The following GNAI1 variants were observed in gnomAD, a reference collection of about 807,000 sequenced individuals.
GNAI1 encodes G protein subunit alpha i1.
GNAI1 carries 11 observed loss-of-function variants against 38.9 expected under a neutral mutation model. The ratio of observed to expected loss-of-function variants is 0.28; its 90% confidence interval spans 0.18 to 0.47. The LOEUF (loss-of-function observed/expected upper bound fraction) is 0.47. GNAI1 is among the 20% of genes least tolerant of loss of function. The pLI is 0.99. For synonymous variants in GNAI1, 166 were observed against 145.1 expected (o/e 1.14, Z -1.04); for missense variants, 317 against 436.9 (o/e 0.73, Z 2.45).
intron 1 of GNAI1, among the ~76,000 whole-genome samples, chr7:80,179,389 A>T (rs1182011627): frequency 6.6e-6 from 1 of 152,332 alleles, no homozygotes; most frequent in Admixed American, 6.5e-5. Flanking sequence ...CCAAATCCTC[A>T]GGTCATGCAG....
chr7:80,172,443 G>A lies in GNAI1; in HGVS notation c.119-16508G>A, dbSNP rs930107945. On this transcript the variant is annotated intron_variant, in intron 1 of 7. Coordinates refer to ENST00000649796, the MANE Select transcript of GNAI1 (RefSeq NM_002069.6). ...TCTGTCAAACCAACCTGTCTTAAGG[G>A]AACTTCTAAAAACAAAATAAAAATT... Among the ~76,000 whole-genome samples, 64 of 152,210 alleles carry A rather than the reference G, an allele frequency of 4.2e-4. No homozygotes were observed. The Middle Eastern group carries it at 0.014, about 32-fold the overall frequency.
chr7:80,210,831 C>A, intron 5 of GNAI1, 138 bp from the exon 6 acceptor site: 27 of 421,742 alleles, frequency 6.4e-5, no homozygotes, highest in East Asian at 1.6e-4. Flanking sequence ...ACATTTTTTT[C>A]TCCCATAAAG....
chr7:80,161,298 G>A (rs532747956), intron 1 of GNAI1, among the ~76,000 whole-genome samples: 3 of 152,248 alleles, frequency 2.0e-5, no homozygotes, highest in South Asian at 2.1e-4. Context: ...CTGAGAAATT[G>A]TTGCTGCATA....
chr7:80,139,281 T>C (rs1309136878), intron 1 of GNAI1, among the ~76,000 whole-genome samples: 1 of 152,220 alleles, frequency 6.6e-6, no homozygotes, highest in Non-Finnish European at 1.5e-5. Flanking sequence ...CTCTTGCATC[T>C]TGTCTTTCCC....
rs114466570 is a variant in GNAI1 at position 80,170,414 on chromosome 7, T to C, written c.119-18537T>C. Among the ~76,000 whole-genome samples, 499 of 152,328 alleles carry C rather than the reference T, an allele frequency of 3.3e-3. 1 individual carries two copies. The highest frequency in any genetic ancestry group is 0.011 in the African/African-American group (465 of 41,580). ...TAATGTTATTGATCATCTTTTCATG[T>C]TTATTAACCTCTCTGAAAACTCAAG... On this transcript the variant is annotated intron_variant, in intron 1 of 7. Transcript: ENST00000649796.
rs886804159 is a variant in GNAI1 at position 80,135,237 on chromosome 7, A to C, written c.77A>C (p.Asp26Ala). The stretch of plus-strand genomic sequence containing the variant: ...ATGATCGACCGCAACCTCCGTGAGG[A>C]CGGCGAGAAGGCGGCGCGCGAGGTC... Reference protein sequence around the residue: ...SKMIDRNLREDGEKAAREVKL... With the variant: ...SKMIDRNLREAGEKAAREVKL... The change falls in exon 1 of 8, where the codon GAC becomes GCC. Residue 26 changes from aspartate (D) to alanine (A), a missense_variant. Around this residue, in one of 5 missense-constraint regions of GNAI1, gnomAD observed 40 missense variants for 78.0 expected, o/e 0.51. Transcript: ENST00000649796. 1 of 1,541,874 alleles carries C rather than the reference A, an allele frequency of 6.5e-7. No homozygotes were observed. The highest frequency in any genetic ancestry group is 1.4e-5 in the African/African-American group (1 of 70,156).
chr7:80,203,877 A>G, intron 5 of GNAI1, 45 bp downstream of exon 5: 1 of 1,110,516 alleles, frequency 9.0e-7, no homozygotes, highest in Non-Finnish European at 1.3e-6. Context: ...AGATAAAAAC[A>G]CATTGCTTTA....
At chr7:80,161,673 T>C (rs1214039502) in intron 1 of GNAI1, among the ~76,000 whole-genome samples, 3 of 152,208 alleles carry the variant, frequency 2.0e-5, no homozygotes, top group African/African-American at 7.2e-5. Flanking sequence ...TGTAATGTTA[T>C]CGTTAATGCT....
At chr7:80,209,890 T>C (rs1788844569) in intron 5 of GNAI1, among the ~76,000 whole-genome samples, 1 of 152,172 alleles carries the variant, frequency 6.6e-6, no homozygotes, top group Non-Finnish European at 1.5e-5. Flanking sequence ...TTTTGTTATA[T>C]AGCTTACCTG....
At chr7:80,217,226 G>A (rs1788987513) in intron 7 of GNAI1, 77 bp from the exon 8 acceptor site, 4 of 947,138 alleles carry the variant, frequency 4.2e-6, no homozygotes, top group Non-Finnish European at 6.3e-6. Context: ...AGTTTCATAT[G>A]TATGAAACTG....
intron 1 of GNAI1, among the ~76,000 whole-genome samples, chr7:80,139,818 T>C (rs1006843745): frequency 6.6e-6 from 1 of 152,130 alleles, no homozygotes; most frequent in African/African-American, 2.4e-5. Flanking sequence ...TTCACAGTCA[T>C]TGTATTTGAT....
chr7:80,171,461 A>T (rs1788096917), intron 1 of GNAI1, among the ~76,000 whole-genome samples: 1 of 152,178 alleles, frequency 6.6e-6, no homozygotes, highest in African/African-American at 2.4e-5. Flanking sequence ...ATTGATCTCC[A>T]CTGGACTTTG....
intron 1 of GNAI1, among the ~76,000 whole-genome samples, chr7:80,168,950 A>G (rs1479584539): frequency 6.6e-6 from 1 of 152,192 alleles, no homozygotes; most frequent in Non-Finnish European, 1.5e-5. Context: ...TTTATGTTAC[A>G]GGACCTATAT....
intron 1 of GNAI1, among the ~76,000 whole-genome samples, chr7:80,170,456 T>C (rs1341045034): frequency 6.6e-6 from 1 of 152,164 alleles, no homozygotes; most frequent in African/African-American, 2.4e-5. Flanking sequence ...AAATCCCTAA[T>C]GGAGGCCTTA....
In GNAI1 at chr7:80,218,203, TA is replaced by T. The variant is rs1789007209; in HGVS notation, c.*711del. On this transcript the variant is annotated 3_prime_UTR_variant, in exon 8 of 8. Coordinates refer to ENST00000649796, the MANE Select transcript of GNAI1 (RefSeq NM_002069.6). Reference sequence around the variant, plus strand: ...AAAATAAAATAATTTAATTTTACATTAGATTCCACGTTAGATTTGGTTTGAA... The same window carrying T: ...AAAATAAAATAATTTAATTTTACATTGATTCCACGTTAGATTTGGTTTGAA... 1 of 152,194 alleles carries T rather than the reference TA, an allele frequency of 6.6e-6. No homozygotes were observed. The highest frequency in any genetic ancestry group is 2.4e-5 in the African/African-American group (1 of 41,468). The allele number at this position is 152,194 out of a possible 1,614,324, so 9.4% of individuals were successfully genotyped here.
Position 80,222,456 on chromosome 7 carries a change from C to T in GNAI1, c.*4963C>T, listed in dbSNP as rs1479046262. Among the ~76,000 whole-genome samples, 9 of 147,404 alleles carry T rather than the reference C, an allele frequency of 6.1e-5. No individual in the cohort carries two copies. Among genetic ancestry groups the T allele is most frequent in the Admixed American group, 5.5e-4 (8 of 14,468 alleles). On this transcript the variant is annotated 3_prime_UTR_variant, in exon 8 of 8. Transcript: ENST00000649796. ...AGGCTGGAGCGCAATGGTGCGATCT[C>T]GGCTCACCGCAACATCCGCCTCCCG...
chr7:80,139,080 C>T (rs1377400916), intron 1 of GNAI1, among the ~76,000 whole-genome samples: 1 of 152,162 alleles, frequency 6.6e-6, no homozygotes, highest in Admixed American at 6.5e-5. Flanking sequence ...AGCCCATTTC[C>T]TTGAATAAAC....
chr7:80,183,148 A>G (rs1788324918), intron 1 of GNAI1, among the ~76,000 whole-genome samples: 1 of 152,216 alleles, frequency 6.6e-6, no homozygotes, highest in Non-Finnish European at 1.5e-5. Context: ...TATATTATAT[A>G]CATTTCAAAG....
intron 1 of GNAI1, among the ~76,000 whole-genome samples, chr7:80,172,292 C>G (rs764254664): frequency 2.6e-5 from 4 of 152,134 alleles, no homozygotes; most frequent in Non-Finnish European, 4.4e-5. Flanking sequence ...AAAGTTGTTA[C>G]AGATTTAAAC....
Sources: gnomAD v4.1 joint callset for allele counts (sites outside exome capture counted in the v4.1 genomes callset) on GRCh38, gnomAD v4.1.1 for gene constraint, gnomAD v4.1.1 regional missense constraint, MANE v1.5 for transcripts, NCBI Gene and HGNC (gene_info 2026-07-23, HGNC 2026-07-21) for gene names.